VIPR2: variants seen among roughly 807,000 people sequenced by gnomAD.
VIPR2 encodes vasoactive intestinal polypeptide receptor 2.
A neutral mutation model predicts 58.0 loss-of-function variants in VIPR2; 48 were observed. That is an observed-to-expected ratio of 0.83 (90% CI 0.66 to 1.05). VIPR2 has a LOEUF of 1.05. VIPR2 is among the 50% of genes least tolerant of loss of function. VIPR2 has a pLI of 0.00. For synonymous variants in VIPR2, 243 were observed against 235.2 expected, an observed-to-expected ratio of 1.03 and a Z score of -0.30; for missense variants, 534 against 558.0, an observed-to-expected ratio of 0.96 and a Z score of 0.43.
chr7:159,125,177 T>C (rs2129497067), intron 2 of VIPR2, among the ~76,000 whole-genome samples: 1 of 152,314 alleles, frequency 6.6e-6, no homozygotes, highest in East Asian at 1.9e-4. Flanking sequence ...GCATGTTGAA[T>C]AGGAGTGGTG....
At chr7:159,071,985 G>A (rs1217964229) in intron 4 of VIPR2, among the ~76,000 whole-genome samples, 1 of 147,288 alleles carries the variant, frequency 6.8e-6, no homozygotes, top group Non-Finnish European at 1.5e-5. Flanking sequence ...TGCAGCACCT[G>A]CTGGATGAAG....
intron 7 of VIPR2, 110 bp downstream of exon 7, chr7:159,036,642 G>A (rs1853976559): frequency 7.4e-7 from 1 of 1,346,416 alleles, no homozygotes; most frequent in African/African-American, 1.5e-5. Flanking sequence ...ATATGACCCT[G>A]ACATGCATTC....
At chr7:159,071,528 AC>A (rs1856392090) in intron 4 of VIPR2, among the ~76,000 whole-genome samples, 1 of 151,986 alleles carries the variant, frequency 6.6e-6, no homozygotes, top group Non-Finnish European at 1.5e-5. Flanking sequence ...CGGACCCACA[AC>A]CCCACCAGCC....
intron 2 of VIPR2, among the ~76,000 whole-genome samples, chr7:159,118,425 A>C (rs1043192032): frequency 6.6e-6 from 1 of 152,198 alleles, no homozygotes; most frequent in African/African-American, 2.4e-5. Flanking sequence ...AACGAGCTTA[A>C]AACACAGGTC....
At chr7:159,035,393 C>G (rs971579769) in intron 8 of VIPR2, among the ~76,000 whole-genome samples, 1 of 152,162 alleles carries the variant, frequency 6.6e-6, no homozygotes, top group East Asian at 1.9e-4. Context: ...TTTTAAACCA[C>G]CAAATTTTGG....
chr7:159,035,365 G>A (rs185627162), intron 8 of VIPR2, among the ~76,000 whole-genome samples: 36 of 152,358 alleles, frequency 2.4e-4, no homozygotes, highest in Admixed American at 1.3e-3. Flanking sequence ...GAATCACACC[G>A]TAACTAGACG....
At position 159,032,004 on chromosome 7, in the gene VIPR2, G is replaced by A. The variant is rs148662717; in HGVS notation, c.1035C>T (p.Ala345=). The A allele has an allele frequency of 9.6e-5, 155 of 1,614,168 alleles. No homozygotes were observed. The African/African-American group carries it at 1.6e-3, about 17-fold the overall frequency. ...PLFGVHYMVF[A]VFPISISSKY... Reference sequence around the variant, plus strand: ...TGGAGGAGATGCTGATGGGAAACACGGCAAACACCATGTAGTGGACGCCGA... The same window carrying A: ...TGGAGGAGATGCTGATGGGAAACACAGCAAACACCATGTAGTGGACGCCGA... The change falls in exon 11 of 13, where the codon GCC becomes GCT. Residue 345 remains alanine, a synonymous_variant. Transcript: ENST00000262178.
intron 4 of VIPR2, among the ~76,000 whole-genome samples, chr7:159,080,154 G>A (rs1183018691): frequency 2.0e-5 from 3 of 152,088 alleles, no homozygotes; most frequent in Admixed American, 6.5e-5. Flanking sequence ...GCCTGGCAGA[G>A]ACACAACAAA....
chr7:159,077,567 G>T (rs1042350070), intron 4 of VIPR2, among the ~76,000 whole-genome samples: 2 of 150,354 alleles, frequency 1.3e-5, no homozygotes, highest in African/African-American at 2.4e-5. Context: ...TCAGATTCTA[G>T]CCCTGTTCAA....
intron 2 of VIPR2, among the ~76,000 whole-genome samples, chr7:159,137,150 C>T (rs1430225227): frequency 6.6e-6 from 1 of 152,136 alleles, no homozygotes; most frequent in Non-Finnish European, 1.5e-5. Context: ...GCCGGCCGCC[C>T]ACCCTGAATG....
intron 5 of VIPR2, among the ~76,000 whole-genome samples, chr7:159,047,992 A>G (rs1854755249): frequency 6.6e-6 from 1 of 152,232 alleles, no homozygotes; most frequent in South Asian, 2.1e-4. Context: ...TTTGTGACAT[A>G]GCTAGGTATG....
Position 159,110,887 on chromosome 7 carries a change from T to C in VIPR2, c.152-968A>G, listed in dbSNP as rs575660249. ...CTGGCCATAAGCTAAGTTTTGCAGA[T>C]GAAAATAGTTTCTAAATACTTTCAA... On this transcript the variant is annotated intron_variant, in intron 2 of 12. Transcript: ENST00000262178. 2.3e-3 allele frequency among the ~76,000 whole-genome samples: 353 copies of C among 152,328 alleles called. 1 individual carries two copies. Among genetic ancestry groups the C allele is most frequent in the African/African-American group, 8.1e-3 (337 of 41,580 alleles).
intron 2 of VIPR2, among the ~76,000 whole-genome samples, chr7:159,136,694 A>C (rs934570371): frequency 6.6e-6 from 1 of 152,204 alleles, no homozygotes; most frequent in Non-Finnish European, 1.5e-5. Context: ...CTTGTGGAAG[A>C]ACAGGCTGAG....
At chr7:159,142,385 T>C in intron 2 of VIPR2, 61 bp downstream of exon 2, 1 of 1,289,206 alleles carries the variant, frequency 7.8e-7, no homozygotes, top group Non-Finnish European at 1.1e-6. Context: ...CACAGCTGAG[T>C]GAGGCGCATT....
intron 2 of VIPR2, among the ~76,000 whole-genome samples, chr7:159,136,497 C>T (rs924481769): frequency 1.3e-5 from 2 of 151,990 alleles, no homozygotes; most frequent in African/African-American, 4.8e-5. Context: ...TGCATGAAAG[C>T]GCACATTAGT....
At chr7:159,121,342 G>C (rs113289113) in intron 2 of VIPR2, among the ~76,000 whole-genome samples, 1,824 of 152,260 alleles carry the variant, frequency 0.012, 46 homozygotes, top group African/African-American at 0.041. Flanking sequence ...CTTCACAGGG[G>C]ATGGGGGAGA....
intron 2 of VIPR2, among the ~76,000 whole-genome samples, chr7:159,124,674 T>C (rs185672010): frequency 6.6e-6 from 1 of 152,340 alleles, no homozygotes; most frequent in East Asian, 1.9e-4. Context: ...TTTCTAGTTC[T>C]GTGAAGAATA....
At chr7:159,112,285 T>G (rs1219390357) in intron 2 of VIPR2, among the ~76,000 whole-genome samples, 1 of 152,156 alleles carries the variant, frequency 6.6e-6, no homozygotes, top group African/African-American at 2.4e-5. Flanking sequence ...CTAGACGCTG[T>G]CAGGATGTGA....
intron 6 of VIPR2, among the ~76,000 whole-genome samples, chr7:159,037,528 A>T (rs945696010): frequency 2.0e-5 from 3 of 152,154 alleles, no homozygotes; most frequent in Non-Finnish European, 4.4e-5. Context: ...CTTTTTTTTT[A>T]AATTTTTGAC....
Sources: gnomAD v4.1 joint callset for allele counts (sites outside exome capture counted in the v4.1 genomes callset) on GRCh38, gnomAD v4.1.1 for gene constraint, MANE v1.5 for transcripts, NCBI Gene and HGNC (gene_info 2026-07-23, HGNC 2026-07-21) for gene names.